The following NR2F1-AS1 variants were observed in gnomAD, a reference collection of about 807,000 sequenced individuals.
The protein encoded by NR2F1-AS1 is NR2F1 regulatory antisense RNA 1.
At chr5:93,530,075 C>CTTTTTTTTTTT (rs1227046832) in intron 4 of NR2F1-AS1, among the ~76,000 whole-genome samples, 1 of 97,912 alleles carries the variant, frequency 1.0e-5, no homozygotes, top group Non-Finnish European at 2.0e-5. Context: ...AATTTGAAGG[C>CTTTTTTTTTTT]TTTTTTTTTT....
chr5:93,551,750 T>C (rs1370115499), intron 4 of NR2F1-AS1, among the ~76,000 whole-genome samples: 2 of 152,182 alleles, frequency 1.3e-5, no homozygotes, highest in East Asian at 1.9e-4. Context: ...AGTTCCATTA[T>C]ACTCATTATT....
At chr5:93,585,554 G>A (rs1016133657), upstream of NR2F1-AS1, 13 of 1,346,040 alleles carry the variant, frequency 9.7e-6, no homozygotes, top group African/African-American at 1.4e-5. Context: ...TTTCTTTCTC[G>A]CCCGGGTGGT....
At chr5:93,443,244 C>T (rs1046998488) in intron 4 of NR2F1-AS1, among the ~76,000 whole-genome samples, 7 of 152,164 alleles carry the variant, frequency 4.6e-5, no homozygotes, top group African/African-American at 1.7e-4. Flanking sequence ...TAATCACAAA[C>T]TTCTCTGAGC....
chr5:93,524,917 A>G (rs918118915), intron 4 of NR2F1-AS1, among the ~76,000 whole-genome samples: 1 of 152,248 alleles, frequency 6.6e-6, no homozygotes, highest in Admixed American at 6.5e-5. Flanking sequence ...CAAATTGTAA[A>G]GACCACTGAC....
intron 4 of NR2F1-AS1, among the ~76,000 whole-genome samples, chr5:93,425,144 G>A (rs919418998): frequency 2.0e-5 from 3 of 152,128 alleles, no homozygotes; most frequent in Admixed American, 6.5e-5. Flanking sequence ...AGTTCCGTCC[G>A]AGCTGACACC....
At chr5:93,510,479 T>C (rs1455133839) in intron 4 of NR2F1-AS1, among the ~76,000 whole-genome samples, 1 of 152,098 alleles carries the variant, frequency 6.6e-6, no homozygotes, top group East Asian at 1.9e-4. Flanking sequence ...AGAAAGTAAA[T>C]ACATGATCGG....
At chr5:93,515,213 AT>A (rs1178370455) in intron 4 of NR2F1-AS1, among the ~76,000 whole-genome samples, 1 of 151,864 alleles carries the variant, frequency 6.6e-6, no homozygotes, top group African/African-American at 2.4e-5. Context: ...CTTTAACATT[AT>A]TTTTTTAAAT....
chr5:93,429,675 G>GATGGTAT (rs1396837856), intron 4 of NR2F1-AS1, among the ~76,000 whole-genome samples: 1 of 152,202 alleles, frequency 6.6e-6, no homozygotes, highest in Non-Finnish European at 1.5e-5. Context: ...ATTCATGAAA[G>GATGGTAT]ATGGTATGTG....
upstream of NR2F1-AS1, chr5:93,584,317 T>TCCTCCGCCGCCGCCGCCG (rs1314855766): frequency 6.7e-6 from 1 of 148,880 alleles, no homozygotes; most frequent in African/African-American, 2.5e-5. Flanking sequence ...GACCTCCTCC[T>TCCTCCGCCGCCGCCGCCG]CCTCCGCCGC....
intron 1 of NR2F1-AS1, among the ~76,000 whole-genome samples, chr5:93,565,059 A>C (rs1370224254): frequency 5.9e-5 from 9 of 152,200 alleles, no homozygotes; most frequent in African/African-American, 2.2e-4. Flanking sequence ...CTTAAGAATA[A>C]TCAGAAAAAA....
chr5:93,429,204 A>AT lies in NR2F1-AS1; in HGVS notation n.639-33663dup, dbSNP rs376287395. On this transcript the variant is annotated intron_variant and non_coding_transcript_variant, in intron 4 of 5. Coordinates refer to ENST00000660523, the Ensembl canonical transcript of NR2F1-AS1. ...TATATGTATGTGGTTCTTTTACTTT[A>AT]TTTTTTTTCTTGTTTCCAGTGATGG... Among the ~76,000 whole-genome samples, 16 of 151,896 alleles carry AT rather than the reference A, an allele frequency of 1.1e-4. No individual in the cohort carries two copies. In the East Asian group the frequency reaches 1.7e-3, roughly 16 times the overall value.
chr5:93,564,923 T>C (rs1196071308), intron 1 of NR2F1-AS1, among the ~76,000 whole-genome samples: 1 of 152,178 alleles, frequency 6.6e-6, no homozygotes, highest in Admixed American at 6.5e-5. Context: ...TCACAGGTTC[T>C]GCAGGACACA....
chr5:93,499,181 G>GAATTTGAATGTCA (rs1561469918), intron 4 of NR2F1-AS1, among the ~76,000 whole-genome samples: 1 of 152,100 alleles, frequency 6.6e-6, no homozygotes, highest in African/African-American at 2.4e-5. Context: ...CTTTAAAATT[G>GAATTTGAATGTCA]TTTCAAATAT....
At chr5:93,410,384 C>T (rs1050281327) in intron 4 of NR2F1-AS1, 5 of 152,212 alleles carry the variant, frequency 3.3e-5, no homozygotes, top group African/African-American at 7.2e-5. Context: ...CAGACTAGTA[C>T]CCGTCTGTGG....
intron 4 of NR2F1-AS1, among the ~76,000 whole-genome samples, chr5:93,549,612 TC>T (rs1752176828): frequency 6.6e-6 from 1 of 152,084 alleles, no homozygotes; most frequent in African/African-American, 2.4e-5. Context: ...GGCCCTACAT[TC>T]CCATGCATGA....
intron 4 of NR2F1-AS1, among the ~76,000 whole-genome samples, chr5:93,518,383 T>C (rs921746842): frequency 2.6e-5 from 4 of 152,080 alleles, no homozygotes; most frequent in African/African-American, 9.7e-5. Flanking sequence ...TGGCTTTATC[T>C]TTGTATGGAA....
upstream of NR2F1-AS1, among the ~76,000 whole-genome samples, chr5:93,582,159 C>T (rs1181113267): frequency 7.1e-6 from 1 of 139,912 alleles, no homozygotes; most frequent in Admixed American, 7.4e-5. Context: ...GCTCTTTTCC[C>T]GGGACTGACT....
intron 4 of NR2F1-AS1, among the ~76,000 whole-genome samples, chr5:93,545,981 A>G (rs1752075499): frequency 6.6e-6 from 1 of 152,174 alleles, no homozygotes; most frequent in South Asian, 2.1e-4. Context: ...TATAGAGACA[A>G]CCTGAGTGGG....
chr5:93,419,028 C>T (rs1368545270), intron 4 of NR2F1-AS1, among the ~76,000 whole-genome samples: 1 of 152,174 alleles, frequency 6.6e-6, no homozygotes, highest in African/African-American at 2.4e-5. Context: ...ACAGAAATAG[C>T]AGCACAAGTT....
Sources: gnomAD v4.1 joint callset for allele counts (sites outside exome capture counted in the v4.1 genomes callset) on GRCh38, gnomAD v4.1.1 for gene constraint, MANE v1.5 for transcripts, NCBI Gene and HGNC (gene_info 2026-07-23, HGNC 2026-07-21) for gene names.